Variants in PPP6R3 observed in about 807,000 individuals in gnomAD.
The protein encoded by PPP6R3 is serine/threonine-protein phosphatase 6 regulatory subunit 3.
In PPP6R3, 38 loss-of-function variants were observed where a neutral mutation model predicts 110.7. The observed-to-expected ratio is 0.34, with a 90% CI of 0.26 to 0.45. The LOEUF (loss-of-function observed/expected upper bound fraction) is 0.45, where lower values mean the gene tolerates loss of function less well. Among genes scored for constraint, PPP6R3 ranks in the 20% least tolerant of loss-of-function variants. The pLI, the probability that PPP6R3 is intolerant of heterozygous loss-of-function variation, is 1.00. For missense variants in PPP6R3, 870 were observed against 1,062.4 expected (o/e 0.82, Z 2.52); for synonymous variants, 369 against 373.5 (o/e 0.99, Z 0.14).
chr11:68,531,243 G>T (rs1335854424), intron 2 of PPP6R3, among the ~76,000 whole-genome samples: 1 of 152,050 alleles, frequency 6.6e-6, no homozygotes, highest in Non-Finnish European at 1.5e-5. Context: ...AGCAGCATCT[G>T]GGAACTAGAG....
At chr11:68,464,451 C>T (rs2098731739) in intron 1 of PPP6R3, among the ~76,000 whole-genome samples, 1 of 152,098 alleles carries the variant, frequency 6.6e-6, no homozygotes, top group Non-Finnish European at 1.5e-5. Context: ...TTTTTAGAAG[C>T]TTCTCAGACA....
chr11:68,470,123 T>A (rs2098779656), intron 1 of PPP6R3, among the ~76,000 whole-genome samples: 2 of 152,226 alleles, frequency 1.3e-5, no homozygotes, highest in South Asian at 2.1e-4. Flanking sequence ...TGAAAAGTCC[T>A]TGTTTTCATG....
chr11:68,577,946 CTGT>C (rs1237308070), intron 14 of PPP6R3, among the ~76,000 whole-genome samples: 5 of 152,204 alleles, frequency 3.3e-5, no homozygotes, highest in African/African-American at 7.2e-5. Context: ...CCTATATCCC[CTGT>C]TGAGTTAGCC....
chr11:68,568,909 C>T (rs1399608054), intron 10 of PPP6R3, among the ~76,000 whole-genome samples: 2 of 151,948 alleles, frequency 1.3e-5, no homozygotes, highest in Non-Finnish European at 1.5e-5. Context: ...GGGCCACAGG[C>T]GCCCGCCACC....
chr11:68,601,911 C>T lies in PPP6R3; in HGVS notation c.2241C>T (p.Ser747=). ...ATTCTCCAGTGGAAATGGAAACCAG[C>T]ACTGAACCCATGGACCCTCTGACTC... ...RSNSPVEMET[S]TEPMDPLTPS... The change falls in exon 21 of 24, where the codon AGC becomes AGT. Residue 747 remains serine (S), a synonymous_variant. Transcript: ENST00000393800. 6.2e-7 allele frequency: 1 copy of T among 1,613,592 alleles called. No individual in the cohort carries two copies. The highest frequency in any genetic ancestry group is 8.5e-7 in the Non-Finnish European group (1 of 1,179,796).
At chr11:68,577,627 A>G (rs556421565) in intron 14 of PPP6R3, among the ~76,000 whole-genome samples, 1 of 152,354 alleles carries the variant, frequency 6.6e-6, no homozygotes, top group South Asian at 2.1e-4. Flanking sequence ...ATTACAATTC[A>G]GATAATGCTC....
At chr11:68,511,669 C>T (rs1394357015) in intron 1 of PPP6R3, among the ~76,000 whole-genome samples, 1 of 151,276 alleles carries the variant, frequency 6.6e-6, no homozygotes, top group Non-Finnish European at 1.5e-5. Context: ...TTAGCAGAGA[C>T]GGGGTTTCGC....
At chr11:68,477,741 A>AAT (rs1179617745) in intron 1 of PPP6R3, among the ~76,000 whole-genome samples, 98 of 57,884 alleles carry the variant, frequency 1.7e-3, no homozygotes, top group African/African-American at 5.5e-3. Flanking sequence ...AAAAAAAAAA[A>AAT]ATATATATAT....
At chr11:68,608,415 T>A (rs956688672) in intron 22 of PPP6R3, among the ~76,000 whole-genome samples, 1 of 152,166 alleles carries the variant, frequency 6.6e-6, no homozygotes, top group African/African-American at 2.4e-5. Context: ...TGATGTTGAG[T>A]GGCGGTGGGC....
Position 68,588,033 on chromosome 11 carries a change from G to GT in PPP6R3, c.1730+14dup. Reference sequence around the variant, plus strand: ...CAAGATGACATTGGCAAGTGAGTATGTTTTTCTGTTTCCGCTGTTGCTCTT... The same window carrying GT: ...CAAGATGACATTGGCAAGTGAGTATGTTTTTTCTGTTTCCGCTGTTGCTCTT... On this transcript the variant is annotated intron_variant, in intron 16 of 23. Coordinates refer to ENST00000393800, the MANE Select transcript of PPP6R3 (RefSeq NM_001164161.2). 1 of 1,608,512 alleles carries GT rather than the reference G, an allele frequency of 6.2e-7. No individual in the cohort carries two copies. Among genetic ancestry groups the GT allele is most frequent in the Non-Finnish European group, 8.5e-7 (1 of 1,174,870 alleles).
chr11:68,579,110 G>A (rs1324464536), intron 14 of PPP6R3, among the ~76,000 whole-genome samples: 1 of 152,206 alleles, frequency 6.6e-6, no homozygotes. Context: ...ATCTGAATGT[G>A]TGCCTGTATT....
intron 15 of PPP6R3, among the ~76,000 whole-genome samples, chr11:68,585,925 C>A (rs1038518806): frequency 6.6e-6 from 1 of 151,804 alleles, no homozygotes; most frequent in African/African-American, 2.4e-5. Context: ...ATATTTCTTC[C>A]CCTTTACACC....
chr11:68,463,997 A>G (rs2098727256), intron 1 of PPP6R3, among the ~76,000 whole-genome samples: 1 of 152,222 alleles, frequency 6.6e-6, no homozygotes, highest in Non-Finnish European at 1.5e-5. Context: ...AAATAGCAAC[A>G]CTGCTGAGGT....
chr11:68,595,373 A>T (rs1566094042), intron 18 of PPP6R3, among the ~76,000 whole-genome samples: 1 of 151,530 alleles, frequency 6.6e-6, no homozygotes, highest in Non-Finnish European at 1.5e-5. Flanking sequence ...CCGCCACCAC[A>T]CCCAGCTAAT....
intron 4 of PPP6R3, among the ~76,000 whole-genome samples, chr11:68,547,357 G>T (rs922519419): frequency 1.3e-5 from 2 of 152,130 alleles, no homozygotes; most frequent in Admixed American, 1.3e-4. Context: ...TGACACGTGC[G>T]CATGGACAGA....
chr11:68,575,592 C>T (rs753727491), intron 13 of PPP6R3, among the ~76,000 whole-genome samples: 1 of 152,168 alleles, frequency 6.6e-6, no homozygotes, highest in African/African-American at 2.4e-5. Flanking sequence ...ACGTTAAACA[C>T]CTACCACCTT....
chr11:68,563,535 A>G (rs1449012761), intron 8 of PPP6R3, among the ~76,000 whole-genome samples: 3 of 152,212 alleles, frequency 2.0e-5, no homozygotes, highest in African/African-American at 7.2e-5. Context: ...TGCAGGCCCT[A>G]CGTATTAGAA....
chr11:68,497,083 T>G (rs2099021448), intron 1 of PPP6R3, among the ~76,000 whole-genome samples: 1 of 139,954 alleles, frequency 7.1e-6, no homozygotes. Context: ...GTCTCGCTCT[T>G]TCACCCAGGC....
intron 1 of PPP6R3, among the ~76,000 whole-genome samples, chr11:68,464,428 C>A (rs994550884): frequency 4.6e-5 from 7 of 152,104 alleles, no homozygotes; most frequent in Admixed American, 2.0e-4. Context: ...CATGCCCGGC[C>A]ACGAGAATCT....
Sources: allele counts gnomAD v4.1 joint callset (sites outside exome capture counted in the v4.1 genomes callset), GRCh38; gene constraint gnomAD v4.1.1; transcripts MANE v1.5; gene names NCBI Gene and HGNC (gene_info 2026-07-23, HGNC 2026-07-21).